EPHB1: variants seen among roughly 807,000 people sequenced by gnomAD.
The protein encoded by EPHB1 is EPH receptor B1.
Under a neutral mutation model 94.4 loss-of-function variants are expected in EPHB1, and 30 were observed. The observed-to-expected ratio is 0.32, with a 90% CI of 0.24 to 0.43. EPHB1 has a LOEUF of 0.43. Ranked by LOEUF, EPHB1 falls within the 20% of genes least tolerant of loss-of-function variation. The pLI, the probability that EPHB1 is intolerant of heterozygous loss-of-function variation, is 1.00. For synonymous variants in EPHB1, 522 were observed against 489.1 expected (o/e 1.07, Z -0.89); for missense variants, 1,055 against 1,308.3 (o/e 0.81, Z 2.99).
chr3:135,139,979 C>T (rs1940764630), intron 5 of EPHB1, among the ~76,000 whole-genome samples: 1 of 152,140 alleles, frequency 6.6e-6, no homozygotes, highest in Non-Finnish European at 1.5e-5. Context: ...CCAGAACAGC[C>T]TTCACTCTGC....
In EPHB1 at chr3:134,916,679, C is replaced by CA. The variant is rs1209837250; in HGVS notation, c.59-9136dup. ...GTGTGGGGCCCGCTGAGCCCACGCC[C>CA]ACCCGGAACTGGCGCTGGCCCACAA... On this transcript the variant is annotated intron_variant, in intron 1 of 15. Transcript: ENST00000398015. Among the ~76,000 whole-genome samples the CA allele has an allele frequency of 4.6e-5, 7 of 152,336 alleles. No individual in the cohort carries two copies. In the South Asian group the frequency reaches 1.0e-3, roughly 23 times the overall value.
intron 12 of EPHB1, among the ~76,000 whole-genome samples, chr3:135,240,725 T>G (rs1399672335): frequency 6.6e-6 from 1 of 152,196 alleles, no homozygotes; most frequent in South Asian, 2.1e-4. Context: ...TCTTTCCTTT[T>G]GTACCATTGC....
rs531178403 is a variant in EPHB1 at position 135,008,566 on chromosome 3, T to G, written c.805+56514T>G. On this transcript the variant is annotated intron_variant, in intron 3 of 15. Transcript: ENST00000398015. ...AAGTGGATTTGAAACACGCTAGGGA[T>G]TCTAGTTCCCAGGGCAGTTTCTTTA... 9.2e-5 allele frequency among the ~76,000 whole-genome samples: 14 copies of G among 152,342 alleles called. No individual in the cohort carries two copies. The South Asian group carries it at 2.9e-3, about 32-fold the overall frequency.
chr3:135,091,615 A>C (rs1292339406), intron 3 of EPHB1, among the ~76,000 whole-genome samples: 3 of 152,204 alleles, frequency 2.0e-5, no homozygotes, highest in Non-Finnish European at 4.4e-5. Flanking sequence ...TGGGCTCACC[A>C]AACTCTGGGG....
intron 3 of EPHB1, among the ~76,000 whole-genome samples, chr3:135,010,206 GT>G (rs1372474717): frequency 2.6e-5 from 4 of 152,134 alleles, no homozygotes; most frequent in Admixed American, 2.6e-4. Flanking sequence ...TTTCTGTAAA[GT>G]TTTTTGGGTA....
Position 134,860,168 on chromosome 3 carries a change from CACAG to C in EPHB1, c.58+64483_58+64486del, listed in dbSNP as rs1166366146. Among the ~76,000 whole-genome samples, 50 of 55,600 alleles carry C rather than the reference CACAG, an allele frequency of 9.0e-4. 1 individual carries two copies. Among genetic ancestry groups the C allele is most frequent in the Admixed American group, 2.0e-3 (11 of 5,476 alleles). The allele number at this position is 55,600 out of a possible 152,430, so 36.5% of individuals were successfully genotyped here. On this transcript the variant is annotated intron_variant, in intron 1 of 15. Coordinates refer to ENST00000398015, the MANE Select transcript of EPHB1 (RefSeq NM_004441.5). ...AGGAAGGGACACACACACACACACACACAGACACACACACACACACACACACACT... is the reference window on the plus strand; with the variant it reads ...AGGAAGGGACACACACACACACACACACACACACACACACACACACACACT...
intron 3 of EPHB1, among the ~76,000 whole-genome samples, chr3:135,011,627 G>A (rs1036651191): frequency 1.4e-4 from 22 of 152,096 alleles, no homozygotes; most frequent in African/African-American, 4.6e-4. Context: ...AGTGAAGATG[G>A]GAGTGGGGGA....
At chr3:134,897,064 C>A (rs73861984) in intron 1 of EPHB1, among the ~76,000 whole-genome samples, 1 of 152,208 alleles carries the variant, frequency 6.6e-6, no homozygotes, top group Non-Finnish European at 1.5e-5. Context: ...AAGCAGAGGG[C>A]AGAGGTGATC....
At chr3:134,916,313 G>A (rs971054684) in intron 1 of EPHB1, among the ~76,000 whole-genome samples, 3 of 152,252 alleles carry the variant, frequency 2.0e-5, no homozygotes, top group Non-Finnish European at 4.4e-5. Flanking sequence ...CCCACACGAG[G>A]GCCACAGGTG....
At chr3:134,863,929 G>T (rs187237523) in intron 1 of EPHB1, among the ~76,000 whole-genome samples, 1 of 152,166 alleles carries the variant, frequency 6.6e-6, no homozygotes, top group African/African-American at 2.4e-5. Context: ...CTTCACAGCC[G>T]CACAGTAATT....
chr3:135,141,398 G>T (rs1363653419), intron 5 of EPHB1, among the ~76,000 whole-genome samples: 1 of 152,162 alleles, frequency 6.6e-6, no homozygotes, highest in African/African-American at 2.4e-5. Flanking sequence ...AAGGGAAAAG[G>T]CCATGTCTTT....
chr3:134,996,461 A>G (rs1239553173), intron 3 of EPHB1, among the ~76,000 whole-genome samples: 1 of 152,194 alleles, frequency 6.6e-6, no homozygotes, highest in East Asian at 1.9e-4. Context: ...GCTGGGATTT[A>G]CAGCCATGCG....
intron 15 of EPHB1, among the ~76,000 whole-genome samples, chr3:135,258,725 G>C (rs1933520763): frequency 6.6e-6 from 1 of 152,148 alleles, no homozygotes; most frequent in African/African-American, 2.4e-5. Context: ...CTGAGGGTCA[G>C]GAGACAATGA....
intron 1 of EPHB1, among the ~76,000 whole-genome samples, chr3:134,862,723 A>C (rs978548618): frequency 1.3e-5 from 2 of 152,082 alleles, no homozygotes; most frequent in Non-Finnish European, 2.9e-5. Flanking sequence ...TTTGGGGATC[A>C]AGAATCTGAA....
At chr3:134,970,549 T>C (rs1216061294) in intron 3 of EPHB1, among the ~76,000 whole-genome samples, 1 of 152,196 alleles carries the variant, frequency 6.6e-6, no homozygotes, top group Non-Finnish European at 1.5e-5. Flanking sequence ...CTGTCTCTCC[T>C]CACTAGTATG....
chr3:135,259,056 A>C lies in EPHB1; in HGVS notation c.2891A>C (p.Lys964Thr). 6.2e-7 allele frequency: 1 copy of C among 1,610,960 alleles called. No individual in the cohort carries two copies. The highest frequency in any genetic ancestry group is 8.5e-7 in the Non-Finnish European group (1 of 1,178,744). ...ATCACCTTGGCAGGCCATCAGAAGA[A>C]GATCCTGAACAGCATTCATTCTATG... Reference protein sequence around the residue: ...IGITLAGHQKKILNSIHSMRV... With the variant: ...IGITLAGHQKTILNSIHSMRV... Residue 964 changes from lysine to threonine, a missense_variant, in exon 16 of 16, where the codon AAG becomes ACG. Physicochemically the swap from Lys to Thr is moderately conservative, Grantham distance 78. Transcript: ENST00000398015.
chr3:135,225,053 G>C (rs187544916), intron 12 of EPHB1, among the ~76,000 whole-genome samples: 1 of 152,120 alleles, frequency 6.6e-6, no homozygotes, highest in Non-Finnish European at 1.5e-5. Flanking sequence ...AGCACGTTGA[G>C]GGGGGAAGCA....
chr3:135,172,267 C>T (rs952068125), intron 9 of EPHB1, among the ~76,000 whole-genome samples: 4 of 152,166 alleles, frequency 2.6e-5, no homozygotes, highest in Non-Finnish European at 4.4e-5. Context: ...GCCATTATGG[C>T]AAAAGAAAGA....
chr3:135,156,082 A>G (rs1308626718), intron 6 of EPHB1, among the ~76,000 whole-genome samples: 3 of 152,064 alleles, frequency 2.0e-5, no homozygotes, highest in Admixed American at 6.6e-5. Flanking sequence ...TTTTAGCCTG[A>G]ACCACTAGAA....
Sources: allele counts gnomAD v4.1 joint callset (sites outside exome capture counted in the v4.1 genomes callset), GRCh38; gene constraint gnomAD v4.1.1; transcripts MANE v1.5; gene names NCBI Gene and HGNC (gene_info 2026-07-23, HGNC 2026-07-21).